The following CTNND2 variants were observed in gnomAD, a reference collection of about 807,000 sequenced individuals.
CTNND2 encodes the protein catenin delta 2.
In CTNND2, 22 loss-of-function variants were observed where a neutral mutation model predicts 144.4. That is an observed-to-expected ratio of 0.15 (90% CI 0.11 to 0.22). CTNND2 has a LOEUF of 0.22. CTNND2 is among the 10% of genes least tolerant of loss of function. CTNND2 has a pLI of 1.00. For synonymous variants in CTNND2, 751 were observed against 695.6 expected, an observed-to-expected ratio of 1.08 and a Z score of -1.25; for missense variants, 1,353 against 1,618.8, an observed-to-expected ratio of 0.84 and a Z score of 2.82.
intron 2 of CTNND2, among the ~76,000 whole-genome samples, chr5:11,577,006 T>C (rs1020720830): frequency 3.3e-5 from 5 of 152,222 alleles, no homozygotes; most frequent in South Asian, 2.1e-4. Context: ...CTAGTATATA[T>C]ATGAAATGCC....
chr5:11,593,079 C>T (rs895828529), intron 2 of CTNND2, among the ~76,000 whole-genome samples: 1 of 152,070 alleles, frequency 6.6e-6, no homozygotes, highest in Non-Finnish European at 1.5e-5. Flanking sequence ...TCAACTCCAT[C>T]TGGAGTGAAG....
chr5:11,128,779 A>ATATAAAT, intron 12 of CTNND2, among the ~76,000 whole-genome samples: 1 of 65,432 alleles, frequency 1.5e-5, no homozygotes, highest in African/African-American at 7.2e-5. Context: ...TTATATATAA[A>ATATAAAT]ATATATAAAT....
At chr5:11,281,178 C>A (rs1267121284) in intron 9 of CTNND2, among the ~76,000 whole-genome samples, 1 of 152,120 alleles carries the variant, frequency 6.6e-6, no homozygotes, top group East Asian at 1.9e-4. Flanking sequence ...TAAATGGTTT[C>A]TTCACCTTTA....
At chr5:11,533,538 G>C (rs1412837181) in intron 3 of CTNND2, among the ~76,000 whole-genome samples, 2 of 152,184 alleles carry the variant, frequency 1.3e-5, no homozygotes, top group Non-Finnish European at 2.9e-5. Flanking sequence ...CAGCAGACGT[G>C]GGGTAGCACA....
At chr5:11,895,530 A>G (rs1321545366) in intron 1 of CTNND2, among the ~76,000 whole-genome samples, 1 of 152,144 alleles carries the variant, frequency 6.6e-6, no homozygotes, top group African/African-American at 2.4e-5. Flanking sequence ...CTTTGAAGCT[A>G]TTTTCTCAAC....
At chr5:11,628,376 G>A (rs1371828107) in intron 2 of CTNND2, among the ~76,000 whole-genome samples, 1 of 152,134 alleles carries the variant, frequency 6.6e-6, no homozygotes, top group East Asian at 1.9e-4. Flanking sequence ...CCAAGTGTCA[G>A]GTAACTCAAT....
intron 16 of CTNND2, among the ~76,000 whole-genome samples, chr5:11,081,983 G>GCGGATATC (rs1453037149): frequency 1.3e-5 from 2 of 152,206 alleles, no homozygotes; most frequent in African/African-American, 4.8e-5. Flanking sequence ...TTTATGTTAT[G>GCGGATATC]TGGATATCTC....
intron 2 of CTNND2, among the ~76,000 whole-genome samples, chr5:11,693,201 G>A (rs571402855): frequency 4.6e-5 from 7 of 152,264 alleles, no homozygotes; most frequent in African/African-American, 1.2e-4. Context: ...CACCATCTAC[G>A]AATCAGAAAG....
chr5:11,844,152 G>GA lies in CTNND2; in HGVS notation c.37+59664dup, dbSNP rs567168946. The stretch of plus-strand genomic sequence containing the variant: ...TCCACATTTCTATGTAAATAGAAGG[G>GA]AAAAATCACTTCCCATTTAACTAAC... On this transcript the variant is annotated intron_variant, in intron 1 of 21. Transcript: ENST00000304623. 7.9e-5 allele frequency among the ~76,000 whole-genome samples: 12 copies of GA among 152,162 alleles called. No homozygotes were observed. The East Asian group carries it at 2.1e-3, about 27-fold the overall frequency.
intron 11 of CTNND2, among the ~76,000 whole-genome samples, chr5:11,175,353 G>A (rs886753541): frequency 6.6e-6 from 1 of 152,072 alleles, no homozygotes; most frequent in African/African-American, 2.4e-5. Context: ...AAAGAATAAA[G>A]TAAGAATAAA....
chr5:11,338,752 TC>T (rs546002630), intron 9 of CTNND2, among the ~76,000 whole-genome samples: 233 of 152,322 alleles, frequency 1.5e-3, no homozygotes, highest in African/African-American at 5.4e-3. Flanking sequence ...CTGAAAAAAA[TC>T]AATATTATCA....
At chr5:11,458,696 G>T (rs31952) in intron 3 of CTNND2, among the ~76,000 whole-genome samples, 7,919 of 152,260 alleles carry the variant, frequency 0.052, 638 homozygotes, top group African/African-American at 0.17. Flanking sequence ...CCCTCTTGGA[G>T]ATTCATAAGG....
chr5:11,809,597 T>C (rs971653662), intron 1 of CTNND2, among the ~76,000 whole-genome samples: 1 of 152,090 alleles, frequency 6.6e-6, no homozygotes, highest in Non-Finnish European at 1.5e-5. Context: ...GGACCACAGG[T>C]CTCCAAATAG....
chr5:11,687,961 T>A, intron 2 of CTNND2, among the ~76,000 whole-genome samples: 1 of 152,046 alleles, frequency 6.6e-6, no homozygotes, highest in East Asian at 1.9e-4. Context: ...GCAAGGACCC[T>A]GAGGTGGGGT....
chr5:11,706,448 T>C (rs1344254134), intron 2 of CTNND2, among the ~76,000 whole-genome samples: 1 of 152,178 alleles, frequency 6.6e-6, no homozygotes, highest in Non-Finnish European at 1.5e-5. Flanking sequence ...GGAAATCTTA[T>C]AGTCAGTAAA....
At chr5:11,821,744 G>A (rs1793323722) in intron 1 of CTNND2, among the ~76,000 whole-genome samples, 1 of 152,158 alleles carries the variant, frequency 6.6e-6, no homozygotes, top group African/African-American at 2.4e-5. Flanking sequence ...ATCAGTATAA[G>A]AGAGATTTAA....
At chr5:11,398,182 A>G (rs538366956) in intron 5 of CTNND2, among the ~76,000 whole-genome samples, 3 of 152,340 alleles carry the variant, frequency 2.0e-5, no homozygotes. Context: ...GATGGAGTGT[A>G]ATAATACACA....
At chr5:11,566,602 T>A (rs762021550) in intron 2 of CTNND2, among the ~76,000 whole-genome samples, 49 of 152,256 alleles carry the variant, frequency 3.2e-4, no homozygotes, top group Admixed American at 1.3e-4. Flanking sequence ...CACATGTCGA[T>A]GGAAATTCAT....
chr5:11,789,055 A>C (rs1327294145), intron 1 of CTNND2, among the ~76,000 whole-genome samples: 1 of 152,188 alleles, frequency 6.6e-6, no homozygotes, highest in African/African-American at 2.4e-5. Context: ...CGATCATTAA[A>C]AAGTCAGGGA....
Sources: allele counts gnomAD v4.1 joint callset (sites outside exome capture counted in the v4.1 genomes callset), GRCh38; gene constraint gnomAD v4.1.1; transcripts MANE v1.5; gene names NCBI Gene and HGNC (gene_info 2026-07-23, HGNC 2026-07-21).